Variants in DLGAP4 observed in about 807,000 individuals in gnomAD.
The protein encoded by DLGAP4 is DLG associated protein 4, also known as disks large-associated protein 4.
Under a neutral mutation model 86.9 loss-of-function variants are expected in DLGAP4, and 18 were observed. The ratio of observed to expected loss-of-function variants is 0.21; its 90% CI spans 0.14 to 0.31. The LOEUF is 0.31. Ranked by LOEUF, DLGAP4 falls within the 10% of genes least tolerant of loss-of-function variation. The probability of loss-of-function intolerance (pLI) is 1.00; values close to 1 mark genes in which losing one functional copy is unlikely to be tolerated. For missense variants in DLGAP4, 1,085 were observed against 1,362.6 expected, an observed-to-expected ratio of 0.80 and a Z score of 3.21; for synonymous variants, 548 against 574.3, an observed-to-expected ratio of 0.95 and a Z score of 0.65.
At chr20:36,401,538 C>T (rs1305699695) in intron 2 of DLGAP4, among the ~76,000 whole-genome samples, 1 of 152,208 alleles carries the variant, frequency 6.6e-6, no homozygotes, top group Non-Finnish European at 1.5e-5. Flanking sequence ...CTGCTTCTCC[C>T]CCAGTGCCCT....
At chr20:36,341,855 G>A (rs1480601604) in intron 1 of DLGAP4, among the ~76,000 whole-genome samples, 3 of 152,214 alleles carry the variant, frequency 2.0e-5, no homozygotes, top group Admixed American at 6.5e-5. Flanking sequence ...CTGCTGGGGC[G>A]CCGTCCCCAG....
chr20:36,450,422 C>T (rs142042761), intron 7 of DLGAP4, among the ~76,000 whole-genome samples: 12 of 151,952 alleles, frequency 7.9e-5, no homozygotes, highest in African/African-American at 2.4e-4. Flanking sequence ...CGCTTAAGCC[C>T]GGGAGGTGGA....
intron 5 of DLGAP4, 48 bp downstream of exon 5, chr20:36,439,916 T>C: frequency 6.6e-7 from 1 of 1,523,474 alleles, no homozygotes. Flanking sequence ...GGGTACTGAT[T>C]CCCATCTGGG....
Position 36,391,642 on chromosome 20 carries a change from C to T in DLGAP4, c.-73+24367C>T, listed in dbSNP as rs547654461. Among the ~76,000 whole-genome samples the T allele has an allele frequency of 6.6e-5, 10 of 152,286 alleles. No homozygotes were observed. In the East Asian group the frequency reaches 1.9e-3, roughly 29 times the overall value. On this transcript the variant is annotated intron_variant, in intron 2 of 12. Transcript: ENST00000339266. Reference sequence around the variant, plus strand: ...GACAGCTCTGCTTCCTGACTGGTGTCTCAGATGAGTCACTACCCAGCTCTG... The same window carrying T: ...GACAGCTCTGCTTCCTGACTGGTGTTTCAGATGAGTCACTACCCAGCTCTG...
intron 2 of DLGAP4, among the ~76,000 whole-genome samples, chr20:36,410,491 T>C (rs1443054313): frequency 6.6e-6 from 1 of 152,120 alleles, no homozygotes; most frequent in Non-Finnish European, 1.5e-5. Context: ...GGCTGAGTAA[T>C]GTATAAAGAA....
In DLGAP4 at chr20:36,446,865, G is replaced by A. The variant is rs781434452; in HGVS notation, c.1576G>A (p.Asp526Asn). 1 of 1,613,326 alleles carries A rather than the reference G, an allele frequency of 6.2e-7. No homozygotes were observed. Among genetic ancestry groups the A allele is most frequent in the Non-Finnish European group, 8.5e-7 (1 of 1,179,970 alleles). ...CCAGGCAGGCTGCTCGCAGGAGGAG[G>A]ACAGTGTCTCCCTGCAGTCCCTCTC... Reference protein sequence around the residue: ...AIQAGCSQEEDSVSLQSLSPP... With the variant: ...AIQAGCSQEENSVSLQSLSPP... The change falls in exon 7 of 13, where the codon GAC (aspartate) becomes AAC (asparagine). Residue 526 changes from aspartate (D) to asparagine (N), a missense_variant. By Grantham distance (23) the Asp-to-Asn change is conservative. This residue lies in a region of DLGAP4 where 1,082 missense variants were observed against 1,344.1 expected (regional missense o/e 0.81). Transcript: ENST00000339266.
chr20:36,403,764 G>A (rs973744222), intron 2 of DLGAP4, among the ~76,000 whole-genome samples: 14 of 152,246 alleles, frequency 9.2e-5, no homozygotes, highest in African/African-American at 3.4e-4. Context: ...GGTGGTCTTG[G>A]CTCAGGGATC....
chr20:36,518,301 A>G (rs1440376093), intron 10 of DLGAP4, among the ~76,000 whole-genome samples: 2 of 151,018 alleles, frequency 1.3e-5, no homozygotes, highest in African/African-American at 2.4e-5. Context: ...TAGTATAGCT[A>G]TATCACATTA....
rs780267140 is a variant in DLGAP4, at chr20:36,446,854, C to A, written c.1565C>A (p.Ser522Ter). The A allele has an allele frequency of 6.2e-7, 1 of 1,613,114 alleles. No individual in the cohort carries two copies. The highest frequency in any genetic ancestry group is 8.5e-7 in the Non-Finnish European group (1 of 1,179,884). The change falls in exon 7 of 13, where the codon TCG becomes TAG. Residue 522 changes from serine to a stop codon, truncating the protein, a stop_gained. Coordinates refer to ENST00000339266, the MANE Select transcript of DLGAP4 (RefSeq NM_001365621.2). LOFTEE classifies it high-confidence loss of function. ...SYLRAIQAGC[S>*]QEEDSVSLQS... ...CTGCGTGCCATCCAGGCAGGCTGCT[C>A]GCAGGAGGAGGACAGTGTCTCCCTG... is the stretch of plus-strand genomic sequence containing the variant.
At chr20:36,315,778 C>T (rs2065093636) in intron 1 of DLGAP4, among the ~76,000 whole-genome samples, 1 of 152,170 alleles carries the variant, frequency 6.6e-6, no homozygotes, top group African/African-American at 2.4e-5. Context: ...CAATGCTCTC[C>T]TGGCCGACCA....
chr20:36,502,966 C>CCG (rs1171211715), intron 10 of DLGAP4, among the ~76,000 whole-genome samples: 1 of 152,168 alleles, frequency 6.6e-6, no homozygotes. Flanking sequence ...CTCAGATAAT[C>CCG]CGCCCGGCTT....
chr20:36,462,389 C>CCT, intron 7 of DLGAP4: 2 of 1,360,086 alleles, frequency 1.5e-6, no homozygotes, highest in Middle Eastern at 1.9e-4. Context: ...GTGGTCTCGC[C>CCT]ACTCTGTGCC....
At chr20:36,462,893 C>T (rs372802011) in intron 7 of DLGAP4, among the ~76,000 whole-genome samples, 1 of 151,992 alleles carries the variant, frequency 6.6e-6, no homozygotes, top group African/African-American at 2.4e-5. Flanking sequence ...CGCTTGTGGG[C>T]AGGCCGGGCT....
At chr20:36,438,299 A>T (rs2033343501) in intron 4 of DLGAP4, among the ~76,000 whole-genome samples, 1 of 151,794 alleles carries the variant, frequency 6.6e-6, no homozygotes, top group Non-Finnish European at 1.5e-5. Context: ...ACTTGAACCC[A>T]GGAGGCAGAG....
At chr20:36,312,897 G>A (rs924197250) in intron 1 of DLGAP4, among the ~76,000 whole-genome samples, 1 of 152,092 alleles carries the variant, frequency 6.6e-6, no homozygotes, top group Non-Finnish European at 1.5e-5. Context: ...GGGGTTTGTA[G>A]TAAGAGGAAC....
chr20:36,466,981 C>T (rs377353581), intron 7 of DLGAP4, among the ~76,000 whole-genome samples: 4 of 150,430 alleles, frequency 2.7e-5, no homozygotes, highest in African/African-American at 4.9e-5. Flanking sequence ...TCTCCTCTCT[C>T]TCTCTCTCTG....
chr20:36,424,729 GTTTTGTTTGT>G (rs1040648794), intron 2 of DLGAP4, among the ~76,000 whole-genome samples: 4 of 142,490 alleles, frequency 2.8e-5, no homozygotes, highest in African/African-American at 1.0e-4. Flanking sequence ...TTTTTTGTTT[GTTTTGTTTGT>G]TTTTTTTTTT....
At chr20:36,366,933 C>A (rs1161153101) in intron 1 of DLGAP4, 112 bp from the exon 2 acceptor site, 2 of 152,230 alleles carry the variant, frequency 1.3e-5, no homozygotes, top group Non-Finnish European at 2.9e-5. Context: ...GTTTCTATGA[C>A]CACTGCTCCA....
chr20:36,459,256 T>C (rs2033960653), intron 7 of DLGAP4, among the ~76,000 whole-genome samples: 1 of 152,234 alleles, frequency 6.6e-6, no homozygotes, highest in Admixed American at 6.5e-5. Context: ...TCTGGGACCC[T>C]AAAGCATCAC....
Sources: gnomAD v4.1 joint callset for allele counts (sites outside exome capture counted in the v4.1 genomes callset) on GRCh38, gnomAD v4.1.1 for gene constraint, gnomAD v4.1.1 regional missense constraint, MANE v1.5 for transcripts, NCBI Gene and HGNC (gene_info 2026-07-23, HGNC 2026-07-21) for gene names.